UCP1: variants seen among roughly 807,000 people sequenced by gnomAD.
UCP1 encodes the protein uncoupling protein 1, also known as mitochondrial brown fat uncoupling protein 1.
Under a neutral mutation model 26.2 loss-of-function variants are expected in UCP1, and 24 were observed. The observed-to-expected ratio is 0.92, with a 90% confidence interval of 0.66 to 1.29. The LOEUF is 1.29. Among genes scored for constraint, UCP1 ranks in the 50% most tolerant of loss-of-function variants. UCP1 has a pLI of 0.00. For missense variants in UCP1, 402 were observed against 388.7 expected (o/e 1.03, Z -0.29); for synonymous variants, 164 against 156.8 (o/e 1.05, Z -0.34).
chr4:140,567,687 G>T, intron 2 of UCP1, 92 bp downstream of exon 2: 1 of 1,495,494 alleles, frequency 6.7e-7, no homozygotes, highest in Non-Finnish European at 9.3e-7. Context: ...TCGCCAATTT[G>T]TTATGAAAAC....
chr4:140,561,080 A>C (rs1470105156), intron 5 of UCP1, among the ~76,000 whole-genome samples: 1 of 152,208 alleles, frequency 6.6e-6, no homozygotes, highest in East Asian at 1.9e-4. Context: ...ATTTGAAAAA[A>C]ATAAAATTAT....
intron 5 of UCP1, among the ~76,000 whole-genome samples, chr4:140,561,592 A>G (rs1476409709): frequency 3.3e-5 from 5 of 152,284 alleles, no homozygotes; most frequent in East Asian, 3.9e-4. Context: ...TCCTGCCTCC[A>G]TCTCCCAAAG....
chr4:140,561,445 T>A (rs1735674943), intron 5 of UCP1, among the ~76,000 whole-genome samples: 1 of 152,126 alleles, frequency 6.6e-6, no homozygotes, highest in African/African-American at 2.4e-5. Flanking sequence ...CTTGAACTCC[T>A]GGGCTCAGGA....
chr4:140,568,344 G>A (rs1479244134), intron 1 of UCP1, among the ~76,000 whole-genome samples: 2 of 152,146 alleles, frequency 1.3e-5, no homozygotes, highest in East Asian at 3.9e-4. Flanking sequence ...AATACTAAGT[G>A]CACCCTAAAT....
intron 2 of UCP1, among the ~76,000 whole-genome samples, chr4:140,566,794 C>T (rs1036687663): frequency 6.6e-6 from 1 of 152,170 alleles, no homozygotes; most frequent in Non-Finnish European, 1.5e-5. Context: ...GTGCATGTTA[C>T]TTAACTACCC....
At chr4:140,565,039 C>T (rs750913278) in intron 2 of UCP1, among the ~76,000 whole-genome samples, 11 of 152,192 alleles carry the variant, frequency 7.2e-5, no homozygotes, top group Non-Finnish European at 4.4e-5. Flanking sequence ...TCAGTCCTTT[C>T]CACACTCTCT....
rs552486107 is a variant in UCP1, at chr4:140,568,516, G to A, written c.126+88C>T. On this transcript the variant is annotated intron_variant, in intron 1 of 5. Coordinates refer to ENST00000262999, the MANE Select transcript of UCP1 (RefSeq NM_021833.5). ...TCACCTACCCTACCTAGAAACAGTG[G>A]TTACACCAAAGCAGAGAATAAATGG... 29 of 1,587,920 alleles carry A rather than the reference G, an allele frequency of 1.8e-5. 1 individual carries two copies. The South Asian group carries it at 3.1e-4, about 17-fold the overall frequency.
intron 2 of UCP1, 99 bp from the exon 3 acceptor site, chr4:140,563,617 T>G (rs1230644172): frequency 8.1e-7 from 1 of 1,235,378 alleles, no homozygotes; most frequent in East Asian, 2.5e-5. Context: ...TTGTATTTTT[T>G]TTTTTTTTGA....
At chr4:140,566,491 T>C (rs751552093) in intron 2 of UCP1, among the ~76,000 whole-genome samples, 1 of 152,206 alleles carries the variant, frequency 6.6e-6, no homozygotes, top group Non-Finnish European at 1.5e-5. Context: ...CCTTTGTGTT[T>C]CCTCTCTTGC....
chr4:140,566,501 C>T lies in UCP1; in HGVS notation c.325+1278G>A, dbSNP rs940771640. ...TACCTCCTTTGTGTTTCCTCTCTTG[C>T]TACATCTATAAATAAAAAAATGCAG... On this transcript the variant is annotated intron_variant, in intron 2 of 5. Coordinates refer to ENST00000262999, the MANE Select transcript of UCP1 (RefSeq NM_021833.5). Among the ~76,000 whole-genome samples the T allele has an allele frequency of 3.3e-5, 5 of 152,178 alleles. No homozygotes were observed. In the South Asian group the frequency reaches 8.3e-4, roughly 25 times the overall value.
At chr4:140,561,621 G>A (rs1040539876) in intron 5 of UCP1, among the ~76,000 whole-genome samples, 2 of 152,140 alleles carry the variant, frequency 1.3e-5, no homozygotes, top group South Asian at 4.1e-4. Context: ...TTACAGGTGC[G>A]AGCCACCACG....
rs1022868625 is a variant in UCP1 at position 140,567,816 on chromosome 4, G to C, written c.288C>G (p.Tyr96Ter). 1.9e-6 allele frequency: 3 copies of C among 1,613,978 alleles called. No individual in the cohort carries two copies. The East Asian group carries it at 6.7e-5, about 36-fold the overall frequency. Residue 96 changes from tyrosine to a stop codon, truncating the protein, a stop_gained, in exon 2 of 6, where the codon TAC becomes TAG. Transcript: ENST00000262999. LOFTEE classifies it high-confidence loss of function. ...ISSASLRIGL[Y>*]DTVQEFLTAG... ...CGGTGAGGAACTCCTGGACCGTGTC[G>C]TAGAGGCCGATCCTGAGAGAGGCGG...
intron 5 of UCP1, 36 bp downstream of exon 5, chr4:140,562,157 C>T: frequency 6.2e-7 from 1 of 1,613,078 alleles, no homozygotes; most frequent in Non-Finnish European, 8.5e-7. Context: ...CACAGACAGC[C>T]AGAACACATT....
chr4:140,565,761 G>A (rs1002977639), intron 2 of UCP1, among the ~76,000 whole-genome samples: 8 of 151,526 alleles, frequency 5.3e-5, no homozygotes, highest in African/African-American at 9.7e-5. Context: ...TGATCCAGAC[G>A]TTAATTCTTC....
rs1735830389 is a variant in UCP1 at position 140,567,789 on chromosome 4, T to G, written c.315A>C (p.Ala105=). The change falls in exon 2 of 6, where the codon GCA becomes GCC. Residue 105 remains alanine (A), a synonymous_variant. Coordinates refer to ENST00000262999, the MANE Select transcript of UCP1 (RefSeq NM_021833.5). ...LYDTVQEFLT[A]GKETAPSLGS... ...ACGCTCACGGCTTACTTTCTTTCCC[T>G]GCGGTGAGGAACTCCTGGACCGTGT... is the stretch of plus-strand genomic sequence containing the variant. The G allele has an allele frequency of 2.5e-6, 4 of 1,613,872 alleles. No individual in the cohort carries two copies. Among genetic ancestry groups the G allele is most frequent in the African/African-American group, 2.7e-5 (2 of 74,916 alleles).
chr4:140,561,935 G>A (rs1735685356), intron 5 of UCP1, among the ~76,000 whole-genome samples: 1 of 152,158 alleles, frequency 6.6e-6, no homozygotes, highest in South Asian at 2.1e-4. Flanking sequence ...TGCATTTCCA[G>A]TAGATTGGGA....
rs906967882 is a variant in UCP1 at position 140,563,474 on chromosome 4, C to T, written c.370G>A (p.Gly124Arg). The stretch of plus-strand genomic sequence containing the variant: ...TGCCCAATGAATACTGCCACTCCTC[C>T]AGTCGTTAGACCAGCTAAAATCTTG... ...GSKILAGLTT[G>R]GVAVFIGQPT... Residue 124 changes from glycine to arginine, a missense_variant, in exon 3 of 6, where the codon GGA becomes AGA. By Grantham distance (125) the Gly-to-Arg change is moderately radical. Coordinates refer to ENST00000262999, the MANE Select transcript of UCP1 (RefSeq NM_021833.5). The T allele has an allele frequency of 6.2e-7, 1 of 1,613,992 alleles. No individual in the cohort carries two copies. The highest frequency in any genetic ancestry group is 8.5e-7 in the Non-Finnish European group (1 of 1,180,040).
chr4:140,562,328 CA>C lies in UCP1; in HGVS notation c.673del (p.Cys225AlafsTer11). On this transcript the variant is annotated frameshift_variant, in exon 5 of 6. Coordinates refer to ENST00000262999, the MANE Select transcript of UCP1 (RefSeq NM_021833.5). LOFTEE classifies it high-confidence loss of function. Reference sequence around the variant, plus strand: ...CACCGGGGAGGACATAGCTGTTGCGCAAAATCCAGCGATAAGAGCCGACACC... The same window carrying C: ...CACCGGGGAGGACATAGCTGTTGCGCAAATCCAGCGATAAGAGCCGACACC... ...HLVSALIAGF[C>X]ATAMSSPVDV... 1 of 1,614,012 alleles carries C rather than the reference CA, an allele frequency of 6.2e-7. No individual in the cohort carries two copies.
chr4:140,562,442 T>C (rs1735699215), intron 4 of UCP1, 69 bp from the exon 5 acceptor site: 7 of 1,516,548 alleles, frequency 4.6e-6, no homozygotes, highest in African/African-American at 1.4e-5. Flanking sequence ...ATCTGTCATA[T>C]CTTTATAAAC....
Sources: gnomAD v4.1 joint callset for allele counts (sites outside exome capture counted in the v4.1 genomes callset) on GRCh38, gnomAD v4.1.1 for gene constraint, MANE v1.5 for transcripts, NCBI Gene and HGNC (gene_info 2026-07-23, HGNC 2026-07-21) for gene names.